AMMECR1: variants seen among roughly 807,000 people sequenced by gnomAD.
The protein encoded by AMMECR1 is AMMECR nuclear protein 1.
AMMECR1 carries 3 observed loss-of-function variants against 22.5 expected under a neutral mutation model. That is an observed-to-expected ratio of 0.13 (90% CI 0.06 to 0.35). The LOEUF (loss-of-function observed/expected upper bound fraction) is 0.35. Among genes scored for constraint, AMMECR1 ranks in the 10% least tolerant of loss-of-function variants. The pLI is 1.00. For synonymous variants in AMMECR1, 130 were observed against 116.7 expected, an observed-to-expected ratio of 1.11 and a Z score of -0.74; for missense variants, 235 against 278.7, an observed-to-expected ratio of 0.84 and a Z score of 1.12.
chrX:110,218,738 T>C (rs1317037712), intron 2 of AMMECR1, among the ~76,000 whole-genome samples: 1 of 110,892 alleles, frequency 9.0e-6, no homozygotes, highest in Non-Finnish European at 1.9e-5. Flanking sequence ...ATCACCATTA[T>C]GCAATATTAG....
intron 2 of AMMECR1, among the ~76,000 whole-genome samples, chrX:110,332,838 G>C (rs956502815): frequency 3.6e-5 from 4 of 111,755 alleles, no homozygotes; most frequent in African/African-American, 1.3e-4. Flanking sequence ...TCCGGGACAA[G>C]AGAGGAGACG....
intron 2 of AMMECR1, among the ~76,000 whole-genome samples, chrX:110,378,202 C>A (rs1319057683): frequency 9.0e-6 from 1 of 110,832 alleles, no homozygotes; most frequent in East Asian, 2.8e-4. Context: ...TCCATCATAA[C>A]CTATCTTTGG....
Position 110,405,099 on chromosome X carries a change from C to CA in AMMECR1, c.-148+21558_-148+21559insT, listed in dbSNP as rs1284580222. 2.1e-4 allele frequency among the ~76,000 whole-genome samples: 21 copies of CA among 101,268 alleles called. 1 individual carries two copies. The highest frequency in any genetic ancestry group is 6.2e-4 in the African/African-American group (17 of 27,458). 87.9% of individuals were successfully genotyped at this position (101,268 alleles called of 115,157 possible). A position where few individuals can be genotyped will look rare whatever the true frequency, so the allele number is the denominator to read the frequency against. On this transcript the variant is annotated intron_variant, in intron 2 of 7. Transcript: ENST00000372057. ...GTGTGCTTGTTGTGTCCCCCCCCCC[C>CA]CCAAGCATGAGTCAGAGCCTTTCAT...
At chrX:110,249,922 G>C (rs1192965016) in intron 2 of AMMECR1, among the ~76,000 whole-genome samples, 2 of 111,013 alleles carry the variant, frequency 1.8e-5, no homozygotes, top group Non-Finnish European at 3.8e-5. Context: ...GGGGAAAGGG[G>C]AGAGGGAAAC....
intron 1 of AMMECR1, among the ~76,000 whole-genome samples, chrX:110,435,020 A>AAGGAAGGGAGGGACAGAGGG (rs57965362): frequency 0.011 from 1,102 of 101,669 alleles, 26 homozygotes; most frequent in African/African-American, 0.038. Context: ...CCAGTGACAG[A>AAGGAAGGGAGGGACAGAGGG]AGGAAGGGAG....
intron 2 of AMMECR1, among the ~76,000 whole-genome samples, chrX:110,338,312 A>G (rs1445006467): frequency 8.9e-6 from 1 of 112,540 alleles, no homozygotes; most frequent in Non-Finnish European, 1.9e-5. Context: ...AGGGAAGAAG[A>G]GTGATCTTTA....
At chrX:110,378,329 G>A (rs889810952) in intron 2 of AMMECR1, among the ~76,000 whole-genome samples, 2 of 111,070 alleles carry the variant, frequency 1.8e-5, no homozygotes, top group African/African-American at 6.6e-5. Flanking sequence ...CCCTAGTTCA[G>A]TTCTTCATCT....
intron 1 of AMMECR1, among the ~76,000 whole-genome samples, chrX:110,435,483 CTT>C (rs2068832282): frequency 8.9e-6 from 1 of 112,061 alleles, no homozygotes; most frequent in Non-Finnish European, 1.9e-5. Context: ...AGTCCTAACA[CTT>C]TAATTAGACC....
intron 2 of AMMECR1, among the ~76,000 whole-genome samples, chrX:110,352,969 T>C (rs1054183216): frequency 5.3e-5 from 6 of 112,457 alleles, no homozygotes; most frequent in Admixed American, 2.8e-4. Flanking sequence ...CAAAAACTTA[T>C]AGCATTCATT....
intron 1 of AMMECR1, among the ~76,000 whole-genome samples, chrX:110,274,876 CT>C (rs1303468284): frequency 1.8e-5 from 2 of 111,285 alleles, no homozygotes; most frequent in Non-Finnish European, 3.8e-5. Context: ...TAGTTATGCC[CT>C]TTTTAGTAAT....
At chrX:110,415,540 A>G (rs918438652) in intron 2 of AMMECR1, among the ~76,000 whole-genome samples, 8 of 111,443 alleles carry the variant, frequency 7.2e-5, no homozygotes, top group Non-Finnish European at 1.3e-4. Flanking sequence ...ACCAATATGT[A>G]TTGATGCCCA....
In AMMECR1 at chrX:110,431,385, C is replaced by G. The variant is rs767630945; in HGVS notation, c.-293-4582G>C. Among the ~76,000 whole-genome samples the G allele has an allele frequency of 7.5e-5, 8 of 106,694 alleles. No individual in the cohort carries two copies. In the East Asian group the frequency reaches 2.3e-3, roughly 31 times the overall value. The allele number at this position is 106,694 out of a possible 115,157, so 92.7% of individuals were successfully genotyped here. On this transcript the variant is annotated intron_variant, in intron 1 of 7. Transcript: ENST00000372057. ...CTGAGGGATGAAGGTGGGAGGAATACCAGGATTCTGAAGCAATGAGAGTGG... is the reference window on the plus strand; with the variant it reads ...CTGAGGGATGAAGGTGGGAGGAATAGCAGGATTCTGAAGCAATGAGAGTGG...
At chrX:110,381,342 A>G (rs914024980) in intron 2 of AMMECR1, among the ~76,000 whole-genome samples, 6 of 112,071 alleles carry the variant, frequency 5.4e-5, no homozygotes, top group Non-Finnish European at 1.1e-4. Flanking sequence ...ATTACTAATC[A>G]TCAGAGAAAT....
intron 2 of AMMECR1, among the ~76,000 whole-genome samples, chrX:110,418,260 T>C (rs1457641175): frequency 8.9e-6 from 1 of 112,348 alleles, no homozygotes; most frequent in African/African-American, 3.2e-5. Flanking sequence ...TCTTATTTTT[T>C]TAATTAAGAG....
chrX:110,249,097 C>T (rs1262786289), intron 2 of AMMECR1, among the ~76,000 whole-genome samples: 1 of 111,649 alleles, frequency 9.0e-6, no homozygotes, highest in Non-Finnish European at 1.9e-5. Context: ...GAGACAGTGC[C>T]TCAAGATTCT....
chrX:110,402,272 A>G (rs2068570362), intron 2 of AMMECR1, among the ~76,000 whole-genome samples: 1 of 113,195 alleles, frequency 8.8e-6, no homozygotes, highest in African/African-American at 3.2e-5. Context: ...CACCTTGCCT[A>G]TAAATATTTG....
At chrX:110,359,892 T>G in intron 2 of AMMECR1, among the ~76,000 whole-genome samples, 1 of 112,108 alleles carries the variant, frequency 8.9e-6, no homozygotes, top group East Asian at 2.8e-4. Context: ...GAACTTGGCA[T>G]AGAAGGGTAC....
At chrX:110,355,648 A>G (rs1003733529) in intron 2 of AMMECR1, among the ~76,000 whole-genome samples, 1 of 112,014 alleles carries the variant, frequency 8.9e-6, no homozygotes, top group African/African-American at 3.2e-5. Context: ...GTGAATTCAT[A>G]TAACCATTTG....
intron 2 of AMMECR1, among the ~76,000 whole-genome samples, chrX:110,375,763 A>G (rs2068372148): frequency 1.8e-5 from 2 of 112,333 alleles, no homozygotes; most frequent in South Asian, 3.7e-4. Flanking sequence ...GGGTGAAATC[A>G]TAAGTGGGCT....
Sources: gnomAD v4.1 joint callset for allele counts (sites outside exome capture counted in the v4.1 genomes callset) on GRCh38, gnomAD v4.1.1 for gene constraint, MANE v1.5 for transcripts, NCBI Gene and HGNC (gene_info 2026-07-23, HGNC 2026-07-21) for gene names.